EBF2: variants seen among roughly 807,000 people sequenced by gnomAD.
EBF2 encodes the protein transcription factor COE2.
A neutral mutation model predicts 72.8 loss-of-function variants in EBF2; 21 were observed. The observed-to-expected ratio is 0.29, with a 90% confidence interval of 0.20 to 0.42. EBF2 has a LOEUF of 0.42. Among genes scored for constraint, EBF2 ranks in the 10% least tolerant of loss-of-function variants. The pLI, the probability that EBF2 is intolerant of heterozygous loss-of-function variation, is 1.00. For synonymous variants in EBF2, 299 were observed against 274.2 expected (o/e 1.09, Z -0.89); for missense variants, 637 against 731.2 (o/e 0.87, Z 1.49).
chr8:25,908,211 CCCGA>C (rs1367636801), intron 7 of EBF2, among the ~76,000 whole-genome samples: 1 of 152,150 alleles, frequency 6.6e-6, no homozygotes, highest in Non-Finnish European at 1.5e-5. Flanking sequence ...CAGTGGGCAG[CCCGA>C]GGGCTGAAAA....
chr8:25,902,570 C>T (rs1016254874), intron 7 of EBF2, among the ~76,000 whole-genome samples: 7 of 151,828 alleles, frequency 4.6e-5, no homozygotes, highest in Non-Finnish European at 1.0e-4. Context: ...CTACAGAATG[C>T]CTGCCATTAT....
At chr8:25,908,279 G>A (rs1042892731) in intron 7 of EBF2, among the ~76,000 whole-genome samples, 195 bp downstream of exon 7, 6 of 152,166 alleles carry the variant, frequency 3.9e-5, no homozygotes, top group Non-Finnish European at 7.3e-5. Flanking sequence ...GGCAATGGGG[G>A]CAGAAAGCTT....
chr8:25,956,304 G>C (rs1439655943), intron 6 of EBF2, among the ~76,000 whole-genome samples: 4 of 151,864 alleles, frequency 2.6e-5, no homozygotes, highest in Admixed American at 2.6e-4. Flanking sequence ...TGTAATCCCA[G>C]CTACTCTGGA....
chr8:26,034,235 T>C (rs550884630), intron 5 of EBF2, among the ~76,000 whole-genome samples: 1 of 152,298 alleles, frequency 6.6e-6, no homozygotes, highest in Non-Finnish European at 1.5e-5. Flanking sequence ...AGAACTATGG[T>C]ATACATTTTA....
At chr8:25,847,033 A>G (rs945317575) in intron 15 of EBF2, among the ~76,000 whole-genome samples, 1 of 152,206 alleles carries the variant, frequency 6.6e-6, no homozygotes, top group Admixed American at 6.5e-5. Context: ...CCAGAGCACA[A>G]GCTCTGGAAT....
intron 15 of EBF2, among the ~76,000 whole-genome samples, chr8:25,846,515 C>T (rs1003177042): frequency 6.6e-6 from 1 of 151,980 alleles, no homozygotes; most frequent in Admixed American, 6.6e-5. Context: ...TGATGAAAAC[C>T]CATCTCTACA....
chr8:26,025,799 GCATTCA>G (rs1318991930), intron 6 of EBF2, among the ~76,000 whole-genome samples: 1 of 152,022 alleles, frequency 6.6e-6, no homozygotes, highest in Non-Finnish European at 1.5e-5. Flanking sequence ...AAAGAATGAT[GCATTCA>G]CATTGGATAG....
At position 25,926,037 on chromosome 8, in the gene EBF2, A is replaced by G. The variant is rs535079950; in HGVS notation, c.552-17482T>C. On this transcript the variant is annotated intron_variant, in intron 6 of 15. Transcript: ENST00000520164. ...TTTCTTTGCTATCCCTCAGCCCCCA[A>G]GTCCCAATAGGTGTTCTAAAGAGTC... 3.9e-5 allele frequency among the ~76,000 whole-genome samples: 6 copies of G among 152,250 alleles called. No individual in the cohort carries two copies. In the South Asian group the frequency reaches 1.2e-3, roughly 32 times the overall value.
At chr8:25,850,837 G>A (rs1801952750) in intron 14 of EBF2, 76 bp from the exon 15 acceptor site, 3 of 1,465,950 alleles carry the variant, frequency 2.0e-6, no homozygotes, top group African/African-American at 1.5e-5. Context: ...CACATTTATT[G>A]AGAAATTGTT....
chr8:25,865,326 T>G (rs2117266827), intron 10 of EBF2, among the ~76,000 whole-genome samples: 1 of 152,276 alleles, frequency 6.6e-6, no homozygotes, highest in Middle Eastern at 3.4e-3. Context: ...TTTTTGTTTT[T>G]ACTGTGAATA....
At chr8:26,037,140 A>C (rs1805516496) in intron 5 of EBF2, among the ~76,000 whole-genome samples, 1 of 152,154 alleles carries the variant, frequency 6.6e-6, no homozygotes, top group Admixed American at 6.5e-5. Flanking sequence ...CTCCACCCGG[A>C]GTCTTTGAAG....
At chr8:26,030,492 G>A (rs568253957) in intron 6 of EBF2, among the ~76,000 whole-genome samples, 143 of 152,076 alleles carry the variant, frequency 9.4e-4, no homozygotes, top group African/African-American at 3.0e-3. Flanking sequence ...GAATTAATGG[G>A]TGCAGCACAC....
chr8:26,032,350 T>A (rs577995463), intron 6 of EBF2: 1 of 152,320 alleles, frequency 6.6e-6, no homozygotes, highest in East Asian at 1.9e-4. Context: ...TGGCTAGAAA[T>A]GTGAAAACCC....
At chr8:25,963,773 A>T (rs1009217670) in intron 6 of EBF2, among the ~76,000 whole-genome samples, 7 of 152,228 alleles carry the variant, frequency 4.6e-5, no homozygotes, top group Non-Finnish European at 5.9e-5. Context: ...ATAAATAGTA[A>T]GAGTTCAATT....
intron 6 of EBF2, among the ~76,000 whole-genome samples, chr8:25,957,958 G>C (rs1803976171): frequency 6.6e-6 from 1 of 152,180 alleles, no homozygotes. Context: ...CTGCCAGATG[G>C]GAGTGAGGAA....
chr8:26,001,236 C>T (rs1383688418), intron 6 of EBF2, among the ~76,000 whole-genome samples: 1 of 152,112 alleles, frequency 6.6e-6, no homozygotes, highest in Non-Finnish European at 1.5e-5. Context: ...GACATACAGT[C>T]TGTGTCTTAT....
chr8:26,040,568 G>A (rs961818598), intron 4 of EBF2, 48 bp downstream of exon 4: 1 of 1,536,664 alleles, frequency 6.5e-7, no homozygotes, highest in Non-Finnish European at 8.8e-7. Context: ...GGGTTTGGGG[G>A]TCGGGGTCAG....
intron 6 of EBF2, among the ~76,000 whole-genome samples, chr8:25,927,780 G>A (rs1803410147): frequency 6.6e-6 from 1 of 152,090 alleles, no homozygotes; most frequent in South Asian, 2.1e-4. Context: ...TAAACAGTGT[G>A]GGGTTTATAT....
At chr8:25,860,134 C>T (rs76371594) in intron 13 of EBF2, among the ~76,000 whole-genome samples, 1 of 152,278 alleles carries the variant, frequency 6.6e-6, no homozygotes, top group Non-Finnish European at 1.5e-5. Context: ...AACATTTACT[C>T]CTTTTAAAAA....
Sources: gnomAD v4.1 joint callset for allele counts (sites outside exome capture counted in the v4.1 genomes callset) on GRCh38, gnomAD v4.1.1 for gene constraint, MANE v1.5 for transcripts, NCBI Gene and HGNC (gene_info 2026-07-23, HGNC 2026-07-21) for gene names.